The following FAM193A variants were observed in gnomAD, a reference collection of about 807,000 sequenced individuals.
FAM193A encodes the protein protein FAM193A.
FAM193A carries 22 observed loss-of-function variants against 126.5 expected under a neutral mutation model. That is an observed-to-expected ratio of 0.17 (90% CI 0.12 to 0.25). FAM193A has a LOEUF of 0.25. FAM193A is among the 10% of genes least tolerant of loss of function. The pLI is 1.00. For missense variants in FAM193A, 1,675 were observed against 1,672.8 expected (o/e 1.00, Z -0.02); for synonymous variants, 761 against 646.8 (o/e 1.18, Z -2.68).
At chr4:2,539,158 C>G (rs1240623671) in intron 1 of FAM193A, among the ~76,000 whole-genome samples, 1 of 152,118 alleles carries the variant, frequency 6.6e-6, no homozygotes, top group African/African-American at 2.4e-5. Context: ...TCTCAAAGTC[C>G]TGGAATTACA....
intron 19 of FAM193A, among the ~76,000 whole-genome samples, chr4:2,706,291 C>CTTTTTTTTTTTTTTT (rs59143784): frequency 9.2e-6 from 1 of 108,586 alleles, no homozygotes; most frequent in African/African-American, 3.6e-5. Context: ...TTCTTTCTTT[C>CTTTTTTTTTTTTTTT]TTTTTTTTTT....
At chr4:2,588,198 C>CATCT (rs532528825) in intron 1 of FAM193A, among the ~76,000 whole-genome samples, 39 of 152,366 alleles carry the variant, frequency 2.6e-4, no homozygotes, top group Non-Finnish European at 4.6e-4. Context: ...GAGATCCCCA[C>CATCT]ATCTACTCCA....
At chr4:2,657,279 C>T (rs554368087) in intron 7 of FAM193A, among the ~76,000 whole-genome samples, 34 of 152,220 alleles carry the variant, frequency 2.2e-4, no homozygotes, top group Admixed American at 1.8e-3. Flanking sequence ...CTTACAGAAC[C>T]GACTTTCGGT....
chr4:2,554,334 C>T (rs1738128483), intron 1 of FAM193A, among the ~76,000 whole-genome samples: 2 of 151,996 alleles, frequency 1.3e-5, no homozygotes, highest in South Asian at 2.1e-4. Flanking sequence ...CCACCCCGCT[C>T]AGCCTCCCAA....
intron 17 of FAM193A, among the ~76,000 whole-genome samples, chr4:2,695,453 T>C (rs1437007277): frequency 1.3e-5 from 2 of 152,154 alleles, no homozygotes; most frequent in Non-Finnish European, 2.9e-5. Flanking sequence ...GTGTGTGCAG[T>C]TGGGTTTCTC....
intron 13 of FAM193A, among the ~76,000 whole-genome samples, chr4:2,678,262 G>C (rs1384837033): frequency 6.6e-6 from 1 of 152,052 alleles, no homozygotes; most frequent in African/African-American, 2.4e-5. Context: ...GGGATTACAG[G>C]CGTGAGCCAC....
At chr4:2,706,783 G>A (rs989267001) in intron 19 of FAM193A, among the ~76,000 whole-genome samples, 5 of 151,256 alleles carry the variant, frequency 3.3e-5, no homozygotes, top group Non-Finnish European at 7.4e-5. Flanking sequence ...GCTATTTCAT[G>A]TTTGTAGTTC....
intron 2 of FAM193A, among the ~76,000 whole-genome samples, chr4:2,598,799 C>T (rs1476174122): frequency 6.6e-6 from 1 of 152,206 alleles, no homozygotes; most frequent in East Asian, 1.9e-4. Flanking sequence ...ACTGTGCGTG[C>T]TCGTGTGGGC....
intron 1 of FAM193A, among the ~76,000 whole-genome samples, chr4:2,571,473 CTATTT>C (rs1251042764): frequency 1.3e-5 from 2 of 151,702 alleles, no homozygotes; most frequent in Non-Finnish European, 2.9e-5. Context: ...GGTAGAAGTC[CTATTT>C]TATTTAAAGA....
intron 1 of FAM193A, among the ~76,000 whole-genome samples, chr4:2,588,266 G>A (rs1740346159): frequency 6.6e-6 from 1 of 152,182 alleles, no homozygotes; most frequent in African/African-American, 2.4e-5. Flanking sequence ...CCCTTTCCCT[G>A]TGTCCTGCCG....
At chr4:2,674,270 A>G (rs1714149871) in intron 13 of FAM193A, among the ~76,000 whole-genome samples, 1 of 151,990 alleles carries the variant, frequency 6.6e-6, no homozygotes, top group African/African-American at 2.4e-5. Context: ...GTGTTATTTG[A>G]CTTAGTTTGG....
In FAM193A at chr4:2,590,474, A is replaced by C. The variant is rs1255886594; in HGVS notation, c.256-5610A>C. Among the ~76,000 whole-genome samples the C allele has an allele frequency of 5.1e-5, 4 of 78,188 alleles. 1 individual carries two copies. Among genetic ancestry groups the C allele is most frequent in the South Asian group, 7.0e-4 (2 of 2,858 alleles). The allele number at this position is 78,188 out of a possible 152,430, so 51.3% of individuals were successfully genotyped here. A position where few individuals can be genotyped will look rare whatever the true frequency, so the allele number is the denominator to read the frequency against. On this transcript the variant is annotated intron_variant, in intron 1 of 20. Transcript: ENST00000637812. The stretch of plus-strand genomic sequence containing the variant: ...GCGAGACTCCATCTCAAAAAAAAAA[A>C]ACAAAAAAAAACAAAAAAAAACAAA...
chr4:2,572,492 G>A (rs558781790), intron 1 of FAM193A, among the ~76,000 whole-genome samples: 3 of 152,252 alleles, frequency 2.0e-5, no homozygotes, highest in South Asian at 4.1e-4. Flanking sequence ...TCTTCCTAGG[G>A]ACACTGTATG....
chr4:2,603,732 G>A (rs887068368), intron 2 of FAM193A, among the ~76,000 whole-genome samples: 1 of 151,938 alleles, frequency 6.6e-6, no homozygotes, highest in Non-Finnish European at 1.5e-5. Context: ...GTACAGGTGT[G>A]AGTCACTGCA....
chr4:2,700,473 A>C lies in FAM193A; in HGVS notation c.4301A>C (p.Glu1434Ala). The change falls in exon 19 of 21, where the codon GAG becomes GCG. Residue 1434 changes from glutamate to alanine, a missense_variant. Coordinates refer to ENST00000637812, the MANE Select transcript of FAM193A (RefSeq NM_001366318.2). The stretch of plus-strand genomic sequence containing the variant: ...CAGAACAGCAAGCTGGTGCTGGCAG[A>C]GTCCCCTCAGCCAAAGGGCAAGAAC... The part of the protein sequence containing the change: ...HQQNSKLVLA[E>A]SPQPKGKNKK... 6.2e-7 allele frequency: 1 copy of C among 1,614,232 alleles called. No individual in the cohort carries two copies. Among genetic ancestry groups the C allele is most frequent in the Non-Finnish European group, 8.5e-7 (1 of 1,180,024 alleles).
chr4:2,603,700 C>T (rs1481796476), intron 2 of FAM193A, among the ~76,000 whole-genome samples: 1 of 151,760 alleles, frequency 6.6e-6, no homozygotes, highest in South Asian at 2.1e-4. Flanking sequence ...ACCTCGTGAT[C>T]TGCCCACCTT....
At chr4:2,633,285 G>A (rs1254194886) in intron 5 of FAM193A, among the ~76,000 whole-genome samples, 1 of 151,992 alleles carries the variant, frequency 6.6e-6, no homozygotes, top group Non-Finnish European at 1.5e-5. Flanking sequence ...TGTAGTCCCA[G>A]CTACTCGGGA....
intron 1 of FAM193A, among the ~76,000 whole-genome samples, chr4:2,571,620 A>G (rs1278192431): frequency 6.6e-6 from 1 of 151,800 alleles, no homozygotes; most frequent in Non-Finnish European, 1.5e-5. Context: ...GGCTCACTGC[A>G]AACTCTGCCT....
intron 13 of FAM193A, among the ~76,000 whole-genome samples, chr4:2,681,521 G>A (rs144753809): frequency 6.4e-4 from 98 of 152,182 alleles, no homozygotes; most frequent in African/African-American, 2.2e-3. Context: ...TGCGATCTTG[G>A]GTCACTGCAA....
Sources: gnomAD v4.1 joint callset for allele counts (sites outside exome capture counted in the v4.1 genomes callset) on GRCh38, gnomAD v4.1.1 for gene constraint, MANE v1.5 for transcripts, NCBI Gene and HGNC (gene_info 2026-07-23, HGNC 2026-07-21) for gene names.